The following PPFIBP1 variants were observed in gnomAD, a reference collection of about 807,000 sequenced individuals.
PPFIBP1 encodes the protein liprin-beta-1.
A neutral mutation model predicts 137.8 loss-of-function variants in PPFIBP1; 112 were observed. The ratio of observed to expected loss-of-function variants is 0.81; its 90% CI spans 0.70 to 0.95. The LOEUF (loss-of-function observed/expected upper bound fraction) is 0.95. Among genes scored for constraint, PPFIBP1 ranks in the 40% least tolerant of loss-of-function variants. PPFIBP1 has a pLI of 0.00. For missense variants in PPFIBP1, 1,083 were observed against 1,196.6 expected (o/e 0.91, Z 1.40); for synonymous variants, 378 against 417.3 (o/e 0.91, Z 1.15).
chr12:27,679,882 G>C, intron 20 of PPFIBP1, 51 bp from the exon 21 acceptor site: 1 of 1,605,902 alleles, frequency 6.2e-7, no homozygotes, highest in South Asian at 1.1e-5. Flanking sequence ...TGATTAACAA[G>C]TCTAAGGCCT....
intron 1 of PPFIBP1, among the ~76,000 whole-genome samples, chr12:27,535,678 C>A (rs1272644917): frequency 6.6e-6 from 1 of 152,132 alleles, no homozygotes; most frequent in Non-Finnish European, 1.5e-5. Flanking sequence ...GTATTGCAGG[C>A]GTGAGCCACT....
chr12:27,608,644 A>G (rs1356062121), intron 2 of PPFIBP1: 5 of 431,890 alleles, frequency 1.2e-5, no homozygotes, highest in Non-Finnish European at 2.1e-5. Context: ...CTACTAAAAA[A>G]CTTGCATTTA....
At chr12:27,554,765 C>A (rs1056264246) in intron 1 of PPFIBP1, among the ~76,000 whole-genome samples, 2 of 152,036 alleles carry the variant, frequency 1.3e-5, no homozygotes, top group African/African-American at 4.8e-5. Context: ...GATCCTACAT[C>A]TGGAGTCTTG....
rs201187783 is a variant in PPFIBP1 at position 27,679,527 on chromosome 12, G to C, written c.1654G>C (p.Ala552Pro). The C allele has an allele frequency of 6.2e-7, 1 of 1,613,998 alleles. No homozygotes were observed. Among genetic ancestry groups the C allele is most frequent in the East Asian group, 2.2e-5 (1 of 44,890 alleles). ...EKETAEHLDL[A>P]GASSRPKDSQ... ...AGAGACAGCAGAGCACCTAGATCTG[G>C]CTGGTGCTTCTTCTCGGCCAAAAGA... is the stretch of plus-strand genomic sequence containing the variant. Residue 552 changes from alanine (A) to proline (P), a missense_variant, in exon 20 of 30, where the codon GCT (alanine) becomes CCT (proline). Physicochemically the swap from Ala to Pro is conservative, Grantham distance 27 (BLOSUM62 -1). Coordinates refer to ENST00000228425, the MANE Select transcript of PPFIBP1 (RefSeq NM_003622.4).
rs1387196405 is a variant in PPFIBP1 at position 27,633,475 on chromosome 12, G to A, written c.64+15G>A. ...TATCATAGCAGGTGATCTGCATCCT[G>A]TGAAAGACAGAATCACAACATTTAC... On this transcript the variant is annotated intron_variant, in intron 3 of 29. Coordinates refer to ENST00000228425, the MANE Select transcript of PPFIBP1 (RefSeq NM_003622.4). The A allele has an allele frequency of 6.2e-7, 1 of 1,606,538 alleles. No homozygotes were observed.
chr12:27,548,721 G>A (rs920474570), intron 1 of PPFIBP1: 1 of 152,162 alleles, frequency 6.6e-6, no homozygotes, highest in African/African-American at 2.4e-5. Context: ...GTGTATTTTG[G>A]GGACTGGAGG....
At chr12:27,528,525 A>G (rs1944035472) in intron 1 of PPFIBP1, among the ~76,000 whole-genome samples, 1 of 152,238 alleles carries the variant, frequency 6.6e-6, no homozygotes, top group African/African-American at 2.4e-5. Context: ...TGCTGCGTTA[A>G]ATGGAGCTCA....
intron 2 of PPFIBP1, chr12:27,599,308 T>C (rs1197895148): frequency 3.1e-6 from 1 of 325,836 alleles, no homozygotes; most frequent in African/African-American, 2.2e-5. Context: ...AAACACTGAG[T>C]AAAGGAGATT....
intron 1 of PPFIBP1, among the ~76,000 whole-genome samples, chr12:27,563,133 C>T (rs1378974759): frequency 2.0e-5 from 3 of 150,926 alleles, no homozygotes; most frequent in Admixed American, 6.6e-5. Context: ...TAAATAATTA[C>T]ATAAGCTTTT....
chr12:27,583,398 G>A (rs769331802), intron 2 of PPFIBP1, among the ~76,000 whole-genome samples: 2 of 152,200 alleles, frequency 1.3e-5, no homozygotes, highest in Non-Finnish European at 2.9e-5. Context: ...TCTACCAAGA[G>A]AAATGTGAAT....
chr12:27,563,975 C>A (rs544678275), intron 1 of PPFIBP1, among the ~76,000 whole-genome samples: 1 of 151,460 alleles, frequency 6.6e-6, no homozygotes, highest in Non-Finnish European at 1.5e-5. Flanking sequence ...TGTGTTCAAG[C>A]GATTCTCCTG....
chr12:27,640,216 G>A (rs1478255081), intron 4 of PPFIBP1, among the ~76,000 whole-genome samples: 1 of 152,158 alleles, frequency 6.6e-6, no homozygotes, highest in African/African-American at 2.4e-5. Context: ...GGAATCCTAG[G>A]CCACTGGTAT....
chr12:27,565,808 T>C (rs1387860685), intron 1 of PPFIBP1, among the ~76,000 whole-genome samples: 1 of 152,200 alleles, frequency 6.6e-6, no homozygotes, highest in Non-Finnish European at 1.5e-5. Context: ...ACCCTATGAT[T>C]GTACTAACCC....
Position 27,694,087 on chromosome 12 carries a change from T to C in PPFIBP1, c.*1205T>C, listed in dbSNP as rs2061677466. On this transcript the variant is annotated 3_prime_UTR_variant, in exon 30 of 30. Coordinates refer to ENST00000228425, the MANE Select transcript of PPFIBP1 (RefSeq NM_003622.4). Reference sequence around the variant, plus strand: ...TCACTGCAGCCTTGAATTCCTAGGCTCCAGTGATCCTCTCACCTCAGCTTC... The same window carrying C: ...TCACTGCAGCCTTGAATTCCTAGGCCCCAGTGATCCTCTCACCTCAGCTTC... 1 of 152,202 alleles carries C rather than the reference T, an allele frequency of 6.6e-6. No homozygotes were observed. The highest frequency in any genetic ancestry group is 1.5e-5 in the Non-Finnish European group (1 of 68,060). The allele number at this position is 152,202 out of a possible 1,614,324, so 9.4% of individuals were successfully genotyped here.
rs931197764 is a variant in PPFIBP1, at chr12:27,530,467, A to G, written c.-124+6102A>G. On this transcript the variant is annotated intron_variant, in intron 1 of 29. Transcript: ENST00000228425. ...ATCCTTCCATCCTCCACCCCCATCAATGTGTGACTTTGCATAACTGAGAAA... is the reference window on the plus strand; with the variant it reads ...ATCCTTCCATCCTCCACCCCCATCAGTGTGTGACTTTGCATAACTGAGAAA... Among the ~76,000 whole-genome samples the G allele has an allele frequency of 8.5e-5, 13 of 152,290 alleles. No individual in the cohort carries two copies. In the East Asian group the frequency reaches 2.5e-3, roughly 29 times the overall value.
intron 1 of PPFIBP1, among the ~76,000 whole-genome samples, chr12:27,558,249 C>T (rs548389895): frequency 2.3e-5 from 3 of 128,076 alleles, no homozygotes; most frequent in Non-Finnish European, 5.1e-5. Context: ...CCCTAAAGAC[C>T]TTCTGGGTTT....
chr12:27,642,113 T>G (rs1233321926), intron 4 of PPFIBP1, among the ~76,000 whole-genome samples: 1 of 152,222 alleles, frequency 6.6e-6, no homozygotes, highest in Admixed American at 6.5e-5. Context: ...GATTCTGTAA[T>G]TCTATGAGGG....
In PPFIBP1 at chr12:27,630,172, G is replaced by A. The variant is rs111366402; in HGVS notation, c.-35-3190G>A. Among the ~76,000 whole-genome samples the A allele has an allele frequency of 1.2e-3, 185 of 151,624 alleles. 1 individual carries two copies. Among genetic ancestry groups the A allele is most frequent in the African/African-American group, 4.0e-3 (166 of 41,470 alleles). ...TGGGACAAACAGAAAAGAAATAGCA[G>A]GACAATAGACTTAAATCCAACCTTA... On this transcript the variant is annotated intron_variant, in intron 2 of 29. Coordinates refer to ENST00000228425, the MANE Select transcript of PPFIBP1 (RefSeq NM_003622.4).
intron 2 of PPFIBP1, among the ~76,000 whole-genome samples, chr12:27,629,665 C>G (rs1212014323): frequency 1.3e-5 from 2 of 152,126 alleles, no homozygotes. Flanking sequence ...TTTATGAGGA[C>G]TTAAGAAAGT....
Sources: gnomAD v4.1 joint callset for allele counts (sites outside exome capture counted in the v4.1 genomes callset) on GRCh38, gnomAD v4.1.1 for gene constraint, MANE v1.5 for transcripts, NCBI Gene and HGNC (gene_info 2026-07-23, HGNC 2026-07-21) for gene names.